ADAMTSL3: variants seen among roughly 807,000 people sequenced by gnomAD.
ADAMTSL3 encodes ADAMTS like 3.
In ADAMTSL3, 128 loss-of-function variants were observed where a neutral mutation model predicts 201.7. That is an observed-to-expected ratio of 0.63 (90% confidence interval 0.55 to 0.73). ADAMTSL3 has a LOEUF of 0.73. ADAMTSL3 is among the 30% of genes least tolerant of loss of function. ADAMTSL3 has a pLI of 0.00. For synonymous variants in ADAMTSL3, 738 were observed against 748.4 expected (o/e 0.99, Z 0.23); for missense variants, 1,990 against 2,119.6 (o/e 0.94, Z 1.20).
At position 83,772,167 on chromosome 15, in the gene ADAMTSL3, A is replaced by G. The variant is rs1056984032; in HGVS notation, c.190-1356A>G. Among the ~76,000 whole-genome samples the G allele has an allele frequency of 3.3e-5, 5 of 152,066 alleles. No homozygotes were observed. The East Asian group carries it at 7.7e-4, about 23-fold the overall frequency. On this transcript the variant is annotated intron_variant, in intron 3 of 29. Transcript: ENST00000286744. ...CCACGCCCGGCCTCCTTTGGCTCTT[A>G]TAGGTATTTATGCCACTAGATGAAC...
At chr15:83,995,471 A>G (rs2067670450) in intron 23 of ADAMTSL3, among the ~76,000 whole-genome samples, 1 of 152,214 alleles carries the variant, frequency 6.6e-6, no homozygotes, top group Non-Finnish European at 1.5e-5. Flanking sequence ...TAAAGTCAGG[A>G]AAAAACATAC....
At chr15:83,734,224 A>G (rs1028214521) in intron 3 of ADAMTSL3, among the ~76,000 whole-genome samples, 2 of 152,186 alleles carry the variant, frequency 1.3e-5, no homozygotes, top group African/African-American at 4.8e-5. Context: ...AGTCTTTAGC[A>G]TTTAACATTT....
At chr15:83,965,349 C>CA (rs143907808) in intron 19 of ADAMTSL3, among the ~76,000 whole-genome samples, 1,848 of 98,350 alleles carry the variant, frequency 0.019, 31 homozygotes, top group African/African-American at 0.029. Flanking sequence ...AAATGGAAAG[C>CA]AAAAAAAAAA....
intron 3 of ADAMTSL3, among the ~76,000 whole-genome samples, chr15:83,724,309 AG>A (rs2062141877): frequency 6.6e-6 from 1 of 152,058 alleles, no homozygotes; most frequent in Non-Finnish European, 1.5e-5. Context: ...CATGTTGCCC[AG>A]GATGGTCTCG....
intron 3 of ADAMTSL3, among the ~76,000 whole-genome samples, chr15:83,739,470 T>G (rs1412058749): frequency 6.6e-6 from 1 of 150,636 alleles, no homozygotes. Context: ...TAATTTAAAA[T>G]AGTGTAAAAA....
Position 83,982,420 on chromosome 15 carries a change from T to C in ADAMTSL3, c.2792T>C (p.Ile931Thr), listed in dbSNP as rs1403290107. The C allele has an allele frequency of 3.1e-6, 5 of 1,614,046 alleles. No homozygotes were observed. The East Asian group carries it at 1.1e-4, about 36-fold the overall frequency. ...TATTTGCTGCCCAACACATCCGTGA[T>C]TATTAAGTGCCCCGTGCGACGATTC... ...RAYLLPNTSV[I>T]IKCPVRRFQK... is the part of the protein sequence containing the mutation. Residue 931 changes from isoleucine to threonine, a missense_variant, in exon 21 of 30, where the codon ATT becomes ACT. Physicochemically the swap from Ile to Thr is moderately conservative, Grantham distance 89 (BLOSUM62 -1). Transcript: ENST00000286744.
intron 9 of ADAMTSL3, among the ~76,000 whole-genome samples, chr15:83,883,299 A>T (rs1172620188): frequency 4.6e-5 from 7 of 151,586 alleles, no homozygotes; most frequent in Admixed American, 2.6e-4. Context: ...CAGCTTCCCG[A>T]GTAGCTGGGA....
chr15:83,748,649 C>CAAAAAAA (rs71156097), intron 3 of ADAMTSL3, among the ~76,000 whole-genome samples: 8 of 70,502 alleles, frequency 1.1e-4, no homozygotes, highest in Non-Finnish European at 1.8e-4. Flanking sequence ...GACCCTGTCT[C>CAAAAAAA]AAAAAAAAAA....
At chr15:83,743,370 G>T (rs568560773) in intron 3 of ADAMTSL3, among the ~76,000 whole-genome samples, 1 of 151,702 alleles carries the variant, frequency 6.6e-6, no homozygotes, top group Non-Finnish European at 1.5e-5. Context: ...AAAATTAGCC[G>T]GGCGCGGTGG....
At chr15:83,706,192 T>A in intron 3 of ADAMTSL3, among the ~76,000 whole-genome samples, 1 of 152,256 alleles carries the variant, frequency 6.6e-6, no homozygotes, top group East Asian at 1.9e-4. Flanking sequence ...AAAGCGGGTG[T>A]CTGGAAAATA....
chr15:83,808,079 G>A (rs1447531395), intron 5 of ADAMTSL3, among the ~76,000 whole-genome samples: 1 of 152,056 alleles, frequency 6.6e-6, no homozygotes, highest in Non-Finnish European at 1.5e-5. Context: ...GACTGGGTAA[G>A]GATTTTTAAA....
chr15:84,031,448 C>T lies in ADAMTSL3; in HGVS notation c.4754+16C>T, dbSNP rs771901421. ...ACAGAAAGAGGTAGGGGCCCCACCC[C>T]AGAGCAGCACACATTCTCTCCTGAC... On this transcript the variant is annotated intron_variant, in intron 28 of 29. Transcript: ENST00000286744. The T allele has an allele frequency of 1.9e-6, 3 of 1,607,550 alleles. No individual in the cohort carries two copies. Among genetic ancestry groups the T allele is most frequent in the Admixed American group, 3.3e-5 (2 of 60,010 alleles).
intron 4 of ADAMTSL3, 55 bp from the exon 5 acceptor site, chr15:83,804,595 C>A: frequency 7.8e-5 from 66 of 842,734 alleles, no homozygotes; most frequent in Non-Finnish European, 9.3e-5. Flanking sequence ...TTTTTTAATG[C>A]TTGCCTCTTC....
intron 19 of ADAMTSL3, among the ~76,000 whole-genome samples, chr15:83,968,123 G>A (rs558548217): frequency 1.3e-5 from 2 of 152,274 alleles, no homozygotes; most frequent in East Asian, 1.9e-4. Flanking sequence ...ATAGACATGG[G>A]CAAAGACTTC....
chr15:83,669,391 G>A (rs1372186269), intron 2 of ADAMTSL3, among the ~76,000 whole-genome samples: 2 of 131,184 alleles, frequency 1.5e-5, no homozygotes, highest in Admixed American at 7.0e-5. Flanking sequence ...TGATCTGCCC[G>A]CATCGGCCTC....
At chr15:83,745,498 T>C (rs1370868639) in intron 3 of ADAMTSL3, among the ~76,000 whole-genome samples, 1 of 152,190 alleles carries the variant, frequency 6.6e-6, no homozygotes. Flanking sequence ...AGGTACTTCC[T>C]CCTAGACACT....
intron 6 of ADAMTSL3, among the ~76,000 whole-genome samples, chr15:83,835,617 G>A (rs1237619788): frequency 6.6e-6 from 1 of 152,208 alleles, no homozygotes; most frequent in African/African-American, 2.4e-5. Flanking sequence ...ACATGAATGT[G>A]TGAGGACAGA....
chr15:84,011,438 C>T (rs192365745), intron 23 of ADAMTSL3, among the ~76,000 whole-genome samples: 65 of 152,294 alleles, frequency 4.3e-4, no homozygotes, highest in Middle Eastern at 6.8e-3. Context: ...TTATAAACAA[C>T]AGAAAATTTG....
intron 1 of ADAMTSL3, among the ~76,000 whole-genome samples, chr15:83,655,507 CTGGA>C (rs1407511930): frequency 6.6e-6 from 1 of 152,216 alleles, no homozygotes; most frequent in Non-Finnish European, 1.5e-5. Context: ...GAGATGCCCA[CTGGA>C]GACAGGTCCA....
Sources: gnomAD v4.1 joint callset for allele counts (sites outside exome capture counted in the v4.1 genomes callset) on GRCh38, gnomAD v4.1.1 for gene constraint, MANE v1.5 for transcripts, NCBI Gene and HGNC (gene_info 2026-07-23, HGNC 2026-07-21) for gene names.